PPP3CA: variants seen among roughly 807,000 people sequenced by gnomAD.
PPP3CA encodes protein phosphatase 3 catalytic subunit alpha.
PPP3CA carries 14 observed loss-of-function variants against 66.5 expected under a neutral mutation model. The ratio of observed to expected loss-of-function variants is 0.21; its 90% CI spans 0.14 to 0.33. PPP3CA has a LOEUF of 0.33. Among genes scored for constraint, PPP3CA ranks in the 10% least tolerant of loss-of-function variants. The probability of loss-of-function intolerance (pLI) is 1.00; values close to 1 mark genes in which losing one functional copy is unlikely to be tolerated. For missense variants in PPP3CA, 317 were observed against 639.5 expected, an observed-to-expected ratio of 0.50 and a Z score of 5.44; for synonymous variants, 232 against 226.2, an observed-to-expected ratio of 1.03 and a Z score of -0.23.
intron 1 of PPP3CA, among the ~76,000 whole-genome samples, chr4:101,237,014 C>A (rs1321094473): frequency 6.7e-6 from 1 of 150,306 alleles, no homozygotes; most frequent in Non-Finnish European, 1.5e-5. Flanking sequence ...TTTATAATCA[C>A]AGGCTAATAA....
chr4:101,032,616 AAGCT>A (rs947581722), intron 11 of PPP3CA, among the ~76,000 whole-genome samples: 12 of 152,102 alleles, frequency 7.9e-5, no homozygotes, highest in African/African-American at 2.4e-4. Flanking sequence ...TTGAGTATCG[AAGCT>A]AGATAGATAA....
intron 2 of PPP3CA, among the ~76,000 whole-genome samples, chr4:101,132,570 T>C (rs970449042): frequency 6.6e-6 from 1 of 152,148 alleles, no homozygotes; most frequent in Admixed American, 6.5e-5. Flanking sequence ...AATCCCTGAA[T>C]AGACCAATAA....
chr4:101,056,479 T>G (rs2110221555), intron 10 of PPP3CA, among the ~76,000 whole-genome samples: 1 of 152,262 alleles, frequency 6.6e-6, no homozygotes, highest in Non-Finnish European at 1.5e-5. Context: ...CTATAGGCAC[T>G]ACAGACACTA....
At chr4:101,343,648 A>G (rs1381794737) in intron 1 of PPP3CA, among the ~76,000 whole-genome samples, 1 of 152,152 alleles carries the variant, frequency 6.6e-6, no homozygotes, top group Non-Finnish European at 1.5e-5. Context: ...TAGTTTTGCT[A>G]ACTGAAGTAA....
At position 101,346,835 on chromosome 4, in the gene PPP3CA, T is replaced by C. The variant is rs1730020921; in HGVS notation, c.-39A>G. 1.3e-6 allele frequency: 2 copies of C among 1,597,526 alleles called. No individual in the cohort carries two copies. Among genetic ancestry groups the C allele is most frequent in the Admixed American group, 1.7e-5 (1 of 57,620 alleles). ...AGGACAGCGACGCGCTGCTCGTCCG[T>C]CCGACTGCACACCCCGACCGGACCG... On this transcript the variant is annotated 5_prime_UTR_variant, in exon 1 of 14. Transcript: ENST00000394854.
intron 2 of PPP3CA, among the ~76,000 whole-genome samples, chr4:101,135,674 G>C (rs1450935622): frequency 6.6e-6 from 1 of 152,136 alleles, no homozygotes; most frequent in Non-Finnish European, 1.5e-5. Flanking sequence ...TTCAACTGAA[G>C]AAAAAGAAAA....
chr4:101,165,280 T>G (rs1357358614), intron 2 of PPP3CA, among the ~76,000 whole-genome samples: 1 of 152,178 alleles, frequency 6.6e-6, no homozygotes, highest in African/African-American at 2.4e-5. Context: ...AAGACAGACA[T>G]TCCACATTTC....
At chr4:101,029,245 AT>A in intron 12 of PPP3CA, 50 bp from the exon 13 acceptor site, 1 of 1,494,766 alleles carries the variant, frequency 6.7e-7, no homozygotes, top group East Asian at 2.4e-5. Flanking sequence ...TGAGCAGAGG[AT>A]TTTTTAACTC....
intron 2 of PPP3CA, among the ~76,000 whole-genome samples, chr4:101,151,205 A>G (rs2695206): frequency 2.0e-5 from 3 of 151,942 alleles, no homozygotes; most frequent in Non-Finnish European, 4.4e-5. Context: ...TGAATAATCA[A>G]TGTTCTGGCC....
At chr4:101,225,415 C>A (rs1468020447) in intron 1 of PPP3CA, among the ~76,000 whole-genome samples, 1 of 151,714 alleles carries the variant, frequency 6.6e-6, no homozygotes, top group East Asian at 1.9e-4. Context: ...TAAAAAAAGT[C>A]TCGTGATCTG....
chr4:101,226,855 A>G (rs1366365810), intron 1 of PPP3CA, among the ~76,000 whole-genome samples: 2 of 151,718 alleles, frequency 1.3e-5, no homozygotes, highest in African/African-American at 2.4e-5. Context: ...AAGAATACTG[A>G]TATCATGAAA....
chr4:101,260,544 G>A (rs1343187519), intron 1 of PPP3CA, among the ~76,000 whole-genome samples: 1 of 152,104 alleles, frequency 6.6e-6, no homozygotes, highest in Non-Finnish European at 1.5e-5. Context: ...ATCTAAATAA[G>A]CCTTTATATT....
At position 101,295,746 on chromosome 4, in the gene PPP3CA, GC is replaced by G. The variant is rs747381970; in HGVS notation, c.58+50992del. Among the ~76,000 whole-genome samples the G allele has an allele frequency of 1.6e-4, 25 of 152,286 alleles. 1 individual carries two copies. In the East Asian group the frequency reaches 2.1e-3, roughly 13 times the overall value. On this transcript the variant is annotated intron_variant, in intron 1 of 13. Transcript: ENST00000394854. ...TTACAAATAACTTTTTGCCATATAG[GC>G]ATTACCTACTGTCATGAGTTAAAGA...
intron 1 of PPP3CA, among the ~76,000 whole-genome samples, chr4:101,228,048 A>C (rs1410847040): frequency 6.6e-6 from 1 of 151,700 alleles, no homozygotes; most frequent in East Asian, 1.9e-4. Flanking sequence ...CAATGATTCA[A>C]GCTACCCAAG....
intron 1 of PPP3CA, among the ~76,000 whole-genome samples, chr4:101,309,651 T>C (rs909705438): frequency 3.9e-5 from 6 of 152,162 alleles, no homozygotes; most frequent in Admixed American, 6.5e-5. Flanking sequence ...ATATCTGCCA[T>C]GTAGGGCCCT....
chr4:101,286,512 C>A (rs996129144), intron 1 of PPP3CA, among the ~76,000 whole-genome samples: 15 of 152,060 alleles, frequency 9.9e-5, no homozygotes, highest in African/African-American at 3.6e-4. Context: ...GTAGAAAAAT[C>A]CTGGAATCTC....
At chr4:101,279,308 T>C (rs1444720143) in intron 1 of PPP3CA, among the ~76,000 whole-genome samples, 2 of 151,866 alleles carry the variant, frequency 1.3e-5, no homozygotes, top group Non-Finnish European at 2.9e-5. Context: ...AGAAACAAGT[T>C]TGGGGTAGCT....
chr4:101,235,607 G>A (rs950441625), intron 1 of PPP3CA, among the ~76,000 whole-genome samples: 4 of 151,704 alleles, frequency 2.6e-5, no homozygotes, highest in Admixed American at 1.3e-4. Flanking sequence ...CTCTATAACC[G>A]TAAAAACTAA....
intron 2 of PPP3CA, among the ~76,000 whole-genome samples, chr4:101,189,058 C>T (rs955007337): frequency 3.3e-5 from 5 of 152,012 alleles, no homozygotes; most frequent in South Asian, 4.1e-4. Context: ...CTTGGGTGTT[C>T]GTCAACTATC....
Sources: gnomAD v4.1 joint callset for allele counts (sites outside exome capture counted in the v4.1 genomes callset) on GRCh38, gnomAD v4.1.1 for gene constraint, MANE v1.5 for transcripts, NCBI Gene and HGNC (gene_info 2026-07-23, HGNC 2026-07-21) for gene names.